GXYLT1: variants seen among roughly 807,000 people sequenced by gnomAD.
GXYLT1 encodes glucoside xylosyltransferase 1, also known as glycosyltransferase 8 domain containing 3.
A neutral mutation model predicts 54.0 loss-of-function variants in GXYLT1; 29 were observed. That is an observed-to-expected ratio of 0.54 (90% CI 0.40 to 0.73). The LOEUF is 0.73. Ranked by LOEUF, GXYLT1 falls within the 30% of genes least tolerant of loss-of-function variation. The pLI is 0.00. For missense variants in GXYLT1, 490 were observed against 553.4 expected (o/e 0.89, Z 1.15); for synonymous variants, 176 against 204.1 (o/e 0.86, Z 1.17).
intron 1 of GXYLT1, among the ~76,000 whole-genome samples, chr12:42,142,810 G>A (rs2065659343): frequency 6.6e-6 from 1 of 152,050 alleles, no homozygotes; most frequent in African/African-American, 2.4e-5. Context: ...GGTTTCTTAT[G>A]CGCGCAAATG....
chr12:42,095,877 T>C (rs925054359), intron 7 of GXYLT1, among the ~76,000 whole-genome samples: 2 of 152,082 alleles, frequency 1.3e-5, no homozygotes, highest in Non-Finnish European at 2.9e-5. Flanking sequence ...GAATACAGTA[T>C]TGAGTACACA....
At position 42,144,468 on chromosome 12, in the gene GXYLT1, G is replaced by A; in HGVS notation, c.179C>T (p.Ala60Val). 1 of 1,296,786 alleles carries A rather than the reference G, an allele frequency of 7.7e-7. No individual in the cohort carries two copies. The allele number at this position is 1,296,786 out of a possible 1,614,324, so 80.3% of individuals were successfully genotyped here. A position where few individuals can be genotyped will look rare whatever the true frequency, so the allele number is the denominator to read the frequency against. ...AGGGRGAVRG[A>V]GVAGPAAHPG... Reference sequence around the variant, plus strand: ...ATGCGCTGCGGGGCCCGCGACGCCGGCGCCTCTCACGGCGCCGCGTCCGCC... The same window carrying A: ...ATGCGCTGCGGGGCCCGCGACGCCGACGCCTCTCACGGCGCCGCGTCCGCC... The change falls in exon 1 of 8, where the codon GCC becomes GTC. Residue 60 changes from alanine to valine, a missense_variant. By Grantham distance (64) the Ala-to-Val change is moderately conservative. Around this residue, in one of 2 missense-constraint regions of GXYLT1, gnomAD observed 148 missense variants for 210.7 expected, o/e 0.70. Transcript: ENST00000398675.
At position 42,136,937 on chromosome 12, in the gene GXYLT1, G is replaced by T. The variant is rs1010427188; in HGVS notation, c.222-7086C>A. Among the ~76,000 whole-genome samples, 122 of 152,002 alleles carry T rather than the reference G, an allele frequency of 8.0e-4. 2 individuals are homozygous for T. The highest frequency in any genetic ancestry group is 2.8e-3 in the African/African-American group (118 of 41,456). On this transcript the variant is annotated intron_variant, in intron 1 of 7. Coordinates refer to ENST00000398675, the MANE Select transcript of GXYLT1 (RefSeq NM_173601.2). ...CACAGGCGCACACCACTATGCCCAG[G>T]TAATTTTTTGTATTTTTGTTGTTGT...
intron 1 of GXYLT1, among the ~76,000 whole-genome samples, chr12:42,143,172 T>G (rs1406853722): frequency 1.3e-5 from 2 of 152,206 alleles, no homozygotes; most frequent in African/African-American, 4.8e-5. Flanking sequence ...AATATTTAAT[T>G]AAAATGTTGC....
intron 7 of GXYLT1, among the ~76,000 whole-genome samples, chr12:42,089,343 G>C (rs373699887): frequency 8.8e-6 from 1 of 114,204 alleles, no homozygotes; most frequent in Non-Finnish European, 1.7e-5. Context: ...GTTGTGGGGT[G>C]GGGGGAGGGG....
intron 2 of GXYLT1, among the ~76,000 whole-genome samples, chr12:42,125,151 G>A (rs183113144): frequency 2.6e-5 from 4 of 152,268 alleles, no homozygotes; most frequent in East Asian, 3.9e-4. Context: ...TGAGTACAAC[G>A]GTTAAGGGAG....
intron 1 of GXYLT1, among the ~76,000 whole-genome samples, chr12:42,137,872 A>T (rs149318194): frequency 6.6e-6 from 1 of 152,248 alleles, no homozygotes; most frequent in East Asian, 1.9e-4. Context: ...AGGCATGTAT[A>T]CCCTCCCTGT....
chr12:42,122,347 T>C (rs1364422249), intron 2 of GXYLT1, among the ~76,000 whole-genome samples: 2 of 152,114 alleles, frequency 1.3e-5, no homozygotes, highest in African/African-American at 4.8e-5. Context: ...CCCAGCACTT[T>C]GGGAGGCCGA....
intron 5 of GXYLT1, among the ~76,000 whole-genome samples, chr12:42,098,783 AT>A (rs201171248): frequency 0.017 from 2,412 of 142,514 alleles, 76 homozygotes; most frequent in African/African-American, 0.029. Flanking sequence ...ATATATATAT[AT>A]AATACATGTG....
intron 5 of GXYLT1, among the ~76,000 whole-genome samples, chr12:42,098,422 CTAT>C (rs1254600743): frequency 1.4e-5 from 2 of 144,194 alleles, no homozygotes; most frequent in Admixed American, 7.1e-5. Flanking sequence ...TCAGTGTTAG[CTAT>C]TATTATTTTT....
intron 2 of GXYLT1, among the ~76,000 whole-genome samples, chr12:42,122,964 C>T (rs767690467): frequency 6.6e-6 from 1 of 151,960 alleles, no homozygotes; most frequent in African/African-American, 2.4e-5. Flanking sequence ...ATGCAGTAAT[C>T]CTGCCAAAAA....
rs373112853 is a variant in GXYLT1, at chr12:42,143,354, T to C, written c.221+1072A>G. 7.9e-5 allele frequency among the ~76,000 whole-genome samples: 12 copies of C among 152,290 alleles called. No individual in the cohort carries two copies. The East Asian group carries it at 2.1e-3, about 27-fold the overall frequency. On this transcript the variant is annotated intron_variant, in intron 1 of 7. Transcript: ENST00000398675. ...GGACAGACAACTGAGGGTCCTGATGTAGGAATTACCCTGACTGTAATCAAA... is the reference window on the plus strand; with the variant it reads ...GGACAGACAACTGAGGGTCCTGATGCAGGAATTACCCTGACTGTAATCAAA...
At chr12:42,089,185 A>G (rs1451167914) in intron 7 of GXYLT1, among the ~76,000 whole-genome samples, 1 of 152,048 alleles carries the variant, frequency 6.6e-6, no homozygotes, top group African/African-American at 2.4e-5. Flanking sequence ...AATGTAATAA[A>G]AATAACAATA....
chr12:42,100,767 T>C (rs2065385377), intron 5 of GXYLT1, among the ~76,000 whole-genome samples: 1 of 152,056 alleles, frequency 6.6e-6, no homozygotes, highest in Non-Finnish European at 1.5e-5. Context: ...TCTTAGGATC[T>C]GAAAAGAAAA....
chr12:42,087,034 A>G lies in GXYLT1; in HGVS notation c.*752T>C, dbSNP rs574001237. On this transcript the variant is annotated 3_prime_UTR_variant, in exon 8 of 8. Transcript: ENST00000398675. Reference sequence around the variant, plus strand: ...AAGTGATTAAAAAAAAATTCCCCAAATATCTATTTAACAATCTTAGATCTG... The same window carrying G: ...AAGTGATTAAAAAAAAATTCCCCAAGTATCTATTTAACAATCTTAGATCTG... 1 of 152,240 alleles carries G rather than the reference A, an allele frequency of 6.6e-6. No individual in the cohort carries two copies. Among genetic ancestry groups the G allele is most frequent in the East Asian group, 1.9e-4 (1 of 5,184 alleles). The allele number at this position is 152,240 out of a possible 1,614,324, so 9.4% of individuals were successfully genotyped here. A position where few individuals can be genotyped will look rare whatever the true frequency, so the allele number is the denominator to read the frequency against.
At chr12:42,114,808 C>T (rs1353440862) in intron 3 of GXYLT1, among the ~76,000 whole-genome samples, 7 of 152,104 alleles carry the variant, frequency 4.6e-5, no homozygotes, top group Admixed American at 2.0e-4. Context: ...GATACCAAAG[C>T]CTGGCAGAGA....
chr12:42,093,272 A>G (rs1438180714), intron 7 of GXYLT1, among the ~76,000 whole-genome samples: 1 of 152,002 alleles, frequency 6.6e-6, no homozygotes, highest in Admixed American at 6.6e-5. Flanking sequence ...TAATTTTTGT[A>G]TTTTTAGTAG....
At chr12:42,100,368 TTAATA>T (rs1209528392) in intron 5 of GXYLT1, among the ~76,000 whole-genome samples, 3 of 152,336 alleles carry the variant, frequency 2.0e-5, no homozygotes, top group Non-Finnish European at 4.4e-5. Context: ...TTATGTGTAC[TTAATA>T]TATTTCTCTA....
intron 3 of GXYLT1, among the ~76,000 whole-genome samples, chr12:42,113,892 C>T (rs2065475279): frequency 6.6e-6 from 1 of 151,288 alleles, no homozygotes; most frequent in African/African-American, 2.5e-5. Flanking sequence ...AAGCATTCCT[C>T]AGCAAATGTA....
Sources: gnomAD v4.1 joint callset for allele counts (sites outside exome capture counted in the v4.1 genomes callset) on GRCh38, gnomAD v4.1.1 for gene constraint, gnomAD v4.1.1 regional missense constraint, MANE v1.5 for transcripts, NCBI Gene and HGNC (gene_info 2026-07-23, HGNC 2026-07-21) for gene names.